Variants in SPOCK2 observed in about 807,000 individuals in gnomAD.
SPOCK2 encodes SPARC (osteonectin), cwcv and kazal like domains proteoglycan 2, also known as testican-2.
SPOCK2 carries 39 observed loss-of-function variants against 60.1 expected under a neutral mutation model. That is an observed-to-expected ratio of 0.65 (90% CI 0.50 to 0.85). The LOEUF is 0.85. Among genes scored for constraint, SPOCK2 ranks in the 40% least tolerant of loss-of-function variants. The probability of loss-of-function intolerance (pLI) is 0.00; values close to 1 mark genes in which losing one functional copy is unlikely to be tolerated. For missense variants in SPOCK2, 523 were observed against 567.4 expected (o/e 0.92, Z 0.80); for synonymous variants, 217 against 231.5 (o/e 0.94, Z 0.57).
At chr10:72,072,817 C>A in intron 2 of SPOCK2, 85 bp downstream of exon 2, 1 of 1,545,320 alleles carries the variant, frequency 6.5e-7, no homozygotes, top group South Asian at 1.2e-5. Flanking sequence ...GAAGGCAAGT[C>A]AGAATGAGGG....
intron 1 of SPOCK2, among the ~76,000 whole-genome samples, chr10:72,079,727 G>C (rs1840758507): frequency 2.6e-5 from 4 of 152,138 alleles, no homozygotes; most frequent in Non-Finnish European, 5.9e-5. Flanking sequence ...CAGCGAATCA[G>C]CAAAGAAGAG....
At chr10:72,066,209 T>C (rs1286585177) in intron 8 of SPOCK2, among the ~76,000 whole-genome samples, 3 of 152,186 alleles carry the variant, frequency 2.0e-5, no homozygotes, top group Non-Finnish European at 4.4e-5. Flanking sequence ...AAATTTAAGA[T>C]GTGCCTAAAA....
chr10:72,073,509 A>G (rs965160210), intron 1 of SPOCK2, among the ~76,000 whole-genome samples: 4 of 152,166 alleles, frequency 2.6e-5, no homozygotes, highest in African/African-American at 9.7e-5. Context: ...AGTTATCACG[A>G]TTCAGCTTCA....
At position 72,071,032 on chromosome 10, in the gene SPOCK2, C is replaced by T. The variant is rs557584053; in HGVS notation, c.360-606G>A. 1.4e-4 allele frequency among the ~76,000 whole-genome samples: 22 copies of T among 152,230 alleles called. No individual in the cohort carries two copies. The South Asian group carries it at 3.9e-3, about 27-fold the overall frequency. ...AAGCACTCTTCATGCATTACATTAC[C>T]GGCCATGCCCCTGCAGCCTTCTAAG... On this transcript the variant is annotated intron_variant, in intron 4 of 10. Transcript: ENST00000373109.
intron 8 of SPOCK2, among the ~76,000 whole-genome samples, chr10:72,066,473 G>A (rs1220355508): frequency 6.7e-6 from 1 of 149,394 alleles, no homozygotes; most frequent in Non-Finnish European, 1.5e-5. Context: ...AAGTGGCAGG[G>A]ACCACAAATG....
At chr10:72,069,339 A>G (rs1840614179) in intron 5 of SPOCK2, 1 of 151,050 alleles carries the variant, frequency 6.6e-6, no homozygotes. Context: ...TCTGCATCTC[A>G]CTCCAAGAAG....
At chr10:72,086,996 G>A in intron 1 of SPOCK2, 1 of 1,551,502 alleles carries the variant, frequency 6.4e-7, no homozygotes, top group Non-Finnish European at 8.7e-7. Flanking sequence ...AGGGAACCTG[G>A]GGAAGGAGGA....
Position 72,067,093 on chromosome 10 carries a change from C to A in SPOCK2, c.737G>T (p.Cys246Phe). ...GAACATCCAGCCAATGGAGTCCTTG[C>A]AGCTGGCCCCCAGGCTCTTGTCCAG... The part of the protein sequence containing the change: ...SGLDKSLGAS[C>F]KDSIGWMFSK... Residue 246 changes from cysteine to phenylalanine, a missense_variant, in exon 8 of 11, where the codon TGC becomes TTC. By Grantham distance (205) the Cys-to-Phe change is radical. Transcript: ENST00000373109. 6.2e-7 allele frequency: 1 copy of A among 1,614,088 alleles called. No homozygotes were observed. The highest frequency in any genetic ancestry group is 1.1e-5 in the South Asian group (1 of 91,082).
Position 72,087,885 on chromosome 10 carries a change from C to A in SPOCK2, c.189+255G>T, listed in dbSNP as rs1027490674. Among the ~76,000 whole-genome samples the A allele has an allele frequency of 2.0e-5, 3 of 151,918 alleles. No homozygotes were observed. Among genetic ancestry groups the A allele is most frequent in the African/African-American group, 7.2e-5 (3 of 41,480 alleles). ...CCCGCAGGGGAGACCCCGGAGCGCG[C>A]GACCCCGGAGCGTCGGGCAGGTGTG... On this transcript the variant is annotated intron_variant, in intron 1 of 10. Transcript: ENST00000373109. The surrounding 1 kb of genome is among the most constrained non-coding windows in gnomAD (Gnocchi z 4.7).
intron 6 of SPOCK2, 24 bp downstream of exon 6, chr10:72,068,163 C>A (rs753161690): frequency 2.0e-5 from 32 of 1,595,480 alleles, no homozygotes; most frequent in Non-Finnish European, 2.6e-5. Context: ...CACCCCTAGC[C>A]TGGTGGCCCA....
At chr10:72,082,993 G>A (rs569976848) in intron 1 of SPOCK2, among the ~76,000 whole-genome samples, 4 of 151,846 alleles carry the variant, frequency 2.6e-5, no homozygotes, top group African/African-American at 7.3e-5. Context: ...AGACTTCCTG[G>A]CCTCCAGAAC....
At chr10:72,080,027 A>G (rs1157476651) in intron 1 of SPOCK2, among the ~76,000 whole-genome samples, 1 of 152,076 alleles carries the variant, frequency 6.6e-6, no homozygotes, top group African/African-American at 2.4e-5. Flanking sequence ...TACTTTCAAA[A>G]GACACAAGAC....
chr10:72,063,799 G>A (rs539410536), intron 9 of SPOCK2, among the ~76,000 whole-genome samples: 7 of 152,302 alleles, frequency 4.6e-5, no homozygotes, highest in East Asian at 1.9e-4. Flanking sequence ...CTCTGGGGCC[G>A]GCCCCCAGGT....
At chr10:72,079,794 G>A (rs1840759575) in intron 1 of SPOCK2, among the ~76,000 whole-genome samples, 1 of 152,052 alleles carries the variant, frequency 6.6e-6, no homozygotes, top group Non-Finnish European at 1.5e-5. Context: ...TTGCAGCACA[G>A]TGTGACAGAG....
Position 72,087,996 on chromosome 10 carries a change from A to G in SPOCK2, c.189+144T>C. 9.5e-7 allele frequency: 1 copy of G among 1,052,262 alleles called. No homozygotes were observed. 65.2% of individuals were successfully genotyped at this position (1,052,262 alleles called of 1,614,324 possible). A position where few individuals can be genotyped will look rare whatever the true frequency, so the allele number is the denominator to read the frequency against. ...GGAGGGGCGCTGGGCTGTGACCCCC[A>G]GTACTGTTTACTTTCCGTGTAATTA... On this transcript the variant is annotated intron_variant, in intron 1 of 10. Coordinates refer to ENST00000373109, the MANE Select transcript of SPOCK2 (RefSeq NM_001244950.2). This position sits in a 1 kb window ranked among gnomAD's most constrained non-coding sequence, Gnocchi z 4.7.
chr10:72,072,441 C>G (rs1840661109), intron 3 of SPOCK2, 62 bp downstream of exon 3: 1 of 1,609,270 alleles, frequency 6.2e-7, no homozygotes, highest in Admixed American at 1.7e-5. Context: ...TAAGGGCTTG[C>G]CCTCTGGTCT....
chr10:72,070,282 C>T (rs769220390), intron 5 of SPOCK2, 30 bp downstream of exon 5: 3 of 1,609,330 alleles, frequency 1.9e-6, no homozygotes, highest in Non-Finnish European at 2.6e-6. Context: ...TGACTCCACC[C>T]CCACCCTACC....
intron 1 of SPOCK2, among the ~76,000 whole-genome samples, chr10:72,079,122 G>C (rs892096398): frequency 2.0e-5 from 3 of 152,180 alleles, no homozygotes; most frequent in African/African-American, 7.2e-5. Flanking sequence ...TAAAATTGAG[G>C]CTCAGAGAGG....
intron 1 of SPOCK2, among the ~76,000 whole-genome samples, 164 bp from the exon 2 acceptor site, chr10:72,073,074 A>G (rs1189336026): frequency 6.6e-6 from 1 of 152,186 alleles, no homozygotes; most frequent in Non-Finnish European, 1.5e-5. Context: ...GACCCCCAGG[A>G]ACCCCAATAA....
Sources: gnomAD v4.1 joint callset for allele counts (sites outside exome capture counted in the v4.1 genomes callset) on GRCh38, gnomAD v4.1.1 for gene constraint, Gnocchi (gnomAD v3.1) non-coding constraint, MANE v1.5 for transcripts, NCBI Gene and HGNC (gene_info 2026-07-23, HGNC 2026-07-21) for gene names.